Variants in ATE1 observed in about 807,000 individuals in gnomAD.
The protein encoded by ATE1 is arginyl-tRNA--protein transferase 1.
A neutral mutation model predicts 70.5 loss-of-function variants in ATE1; 36 were observed. The ratio of observed to expected loss-of-function variants is 0.51; its 90% CI spans 0.39 to 0.67. The LOEUF is 0.67. Ranked by LOEUF, ATE1 falls within the 30% of genes least tolerant of loss-of-function variation. ATE1 has a pLI of 0.00. For missense variants in ATE1, 593 were observed against 629.5 expected, an observed-to-expected ratio of 0.94 and a Z score of 0.62; for synonymous variants, 232 against 219.3, an observed-to-expected ratio of 1.06 and a Z score of -0.51.
At chr10:121,753,876 C>G (rs1944688867) in intron 11 of ATE1, among the ~76,000 whole-genome samples, 1 of 152,102 alleles carries the variant, frequency 6.6e-6, no homozygotes. Flanking sequence ...GGGGCTGGGC[C>G]AAAGAGACAT....
chr10:121,809,595 A>C (rs894812507), intron 10 of ATE1, among the ~76,000 whole-genome samples: 1 of 152,286 alleles, frequency 6.6e-6, no homozygotes, highest in Non-Finnish European at 1.5e-5. Flanking sequence ...ATTCGTGCTA[A>C]GACGCTAGCA....
chr10:121,774,499 C>G (rs1404550590), intron 11 of ATE1, among the ~76,000 whole-genome samples: 1 of 152,132 alleles, frequency 6.6e-6, no homozygotes, highest in African/African-American at 2.4e-5. Flanking sequence ...AGCTCTCATA[C>G]AAGCAATCAT....
chr10:121,832,588 T>C (rs1344470818), intron 10 of ATE1, among the ~76,000 whole-genome samples: 1 of 152,234 alleles, frequency 6.6e-6, no homozygotes, highest in Non-Finnish European at 1.5e-5. Context: ...GATGGTTTTA[T>C]TAGGGGTTTC....
chr10:121,923,287 T>C (rs1364660438), intron 2 of ATE1, among the ~76,000 whole-genome samples: 1 of 152,130 alleles, frequency 6.6e-6, no homozygotes, highest in Non-Finnish European at 1.5e-5. Context: ...ACGGGCAACA[T>C]AGCCAAGATC....
intron 5 of ATE1, among the ~76,000 whole-genome samples, chr10:121,903,098 A>ACAGACTGGTCTCAAACTCCCTTGGC (rs1564946966): frequency 4.3e-5 from 5 of 116,374 alleles, no homozygotes; most frequent in Non-Finnish European, 8.0e-5. Flanking sequence ...ACTCCCTTGG[A>ACAGACTGGTCTCAAACTCCCTTGGC]CAGACTGGTC....
At chr10:121,837,810 G>A (rs915470825) in intron 9 of ATE1, among the ~76,000 whole-genome samples, 2 of 151,976 alleles carry the variant, frequency 1.3e-5, no homozygotes, top group African/African-American at 4.8e-5. Context: ...CACTCTCAAA[G>A]TTCAAACTGA....
intron 10 of ATE1, among the ~76,000 whole-genome samples, chr10:121,805,280 T>C (rs781639228): frequency 6.6e-6 from 1 of 152,254 alleles, no homozygotes; most frequent in Non-Finnish European, 1.5e-5. Context: ...TTTTTCTTTC[T>C]ACAACTTGAA....
chr10:121,839,032 C>T (rs949118403), intron 9 of ATE1, among the ~76,000 whole-genome samples: 6 of 152,108 alleles, frequency 3.9e-5, no homozygotes, highest in African/African-American at 1.2e-4. Flanking sequence ...TCCAATTTTG[C>T]TTCAAGAGGT....
At chr10:121,782,898 C>T (rs188761063) in intron 11 of ATE1, among the ~76,000 whole-genome samples, 26 of 152,320 alleles carry the variant, frequency 1.7e-4, no homozygotes, top group African/African-American at 5.8e-4. Context: ...ATCGGACTCT[C>T]AGTTCTTCAG....
chr10:121,759,880 C>G (rs1336305040), intron 11 of ATE1, among the ~76,000 whole-genome samples: 1 of 152,202 alleles, frequency 6.6e-6, no homozygotes, highest in Non-Finnish European at 1.5e-5. Flanking sequence ...CTGGAAGAAG[C>G]TGCCATCTAG....
chr10:121,748,594 T>C lies in ATE1; in HGVS notation c.1379-4736A>G, dbSNP rs11200127. On this transcript the variant is annotated intron_variant, in intron 11 of 11. Coordinates refer to ENST00000224652, the MANE Select transcript of ATE1 (RefSeq NM_001001976.3). ...TAAGTCTCCTAAACTTCTAAATTAA[T>C]TGACAGCATTTTTATAGAGTTATGG... Among the ~76,000 whole-genome samples, 921 of 152,244 alleles carry C rather than the reference T, an allele frequency of 6.0e-3. 17 individuals carry two copies. The highest frequency in any genetic ancestry group is 0.041 in the East Asian group (212 of 5,190).
At position 121,805,643 on chromosome 10, in the gene ATE1, G is replaced by T. The variant is rs969676501; in HGVS notation, c.1258-15354C>A. Among the ~76,000 whole-genome samples the T allele has an allele frequency of 2.6e-5, 4 of 152,170 alleles. No individual in the cohort carries two copies. In the East Asian group the frequency reaches 7.7e-4, roughly 29 times the overall value. On this transcript the variant is annotated intron_variant, in intron 10 of 11. Transcript: ENST00000224652. ...AATTGTATAAAGAAATGTATTTACA[G>T]TTCAACTGTCAGCAGCTTTTCATTA...
At chr10:121,765,356 AAC>A (rs1945235730) in intron 11 of ATE1, among the ~76,000 whole-genome samples, 6 of 152,242 alleles carry the variant, frequency 3.9e-5, no homozygotes, top group Non-Finnish European at 1.5e-5. Context: ...ATACGTAAGA[AAC>A]ACAGTAAGCT....
chr10:121,857,358 C>T (rs1460181710), intron 8 of ATE1, among the ~76,000 whole-genome samples: 3 of 152,156 alleles, frequency 2.0e-5, no homozygotes, highest in Admixed American at 2.0e-4. Flanking sequence ...AAAGCAAGAA[C>T]ATGTGGTTTT....
chr10:121,763,547 G>A (rs1348893194), intron 11 of ATE1, among the ~76,000 whole-genome samples: 1 of 152,146 alleles, frequency 6.6e-6, no homozygotes, highest in African/African-American at 2.4e-5. Flanking sequence ...TTCTGGAAAA[G>A]GTAAAACTAT....
intron 11 of ATE1, among the ~76,000 whole-genome samples, chr10:121,748,667 C>G (rs748976359): frequency 4.0e-5 from 6 of 151,142 alleles, no homozygotes; most frequent in Non-Finnish European, 8.8e-5. Context: ...TTTTTTTAAC[C>G]CAAAACACTT....
intron 8 of ATE1, among the ~76,000 whole-genome samples, chr10:121,864,995 T>C (rs10510103): frequency 0.31 from 47,351 of 152,040 alleles, 7,678 homozygotes; most frequent in South Asian, 0.43. Flanking sequence ...GCTTACTAAA[T>C]ACTCCCTAAC....
chr10:121,872,477 T>C (rs780606364), intron 7 of ATE1, among the ~76,000 whole-genome samples: 4 of 152,194 alleles, frequency 2.6e-5, no homozygotes, highest in Non-Finnish European at 4.4e-5. Flanking sequence ...TTTCAAAAAA[T>C]GCCTTCTCTC....
intron 8 of ATE1, among the ~76,000 whole-genome samples, chr10:121,849,965 G>A (rs1465966871): frequency 6.6e-6 from 1 of 152,172 alleles, no homozygotes; most frequent in African/African-American, 2.4e-5. Context: ...CCTGCAGCTA[G>A]GAGTTTGCCT....
Sources: allele counts gnomAD v4.1 joint callset (sites outside exome capture counted in the v4.1 genomes callset), GRCh38; gene constraint gnomAD v4.1.1; transcripts MANE v1.5; gene names NCBI Gene and HGNC (gene_info 2026-07-23, HGNC 2026-07-21).